Variants in RERE observed in about 807,000 individuals in gnomAD.
RERE encodes arginine-glutamic acid dipeptide repeats, also known as arginine-glutamic acid dipeptide repeats protein.
RERE carries 40 observed loss-of-function variants against 146.1 expected under a neutral mutation model. The observed-to-expected ratio is 0.27, with a 90% CI of 0.21 to 0.36. The LOEUF (loss-of-function observed/expected upper bound fraction) is 0.36, where lower values mean the gene tolerates loss of function less well. Among genes scored for constraint, RERE ranks in the 10% least tolerant of loss-of-function variants. RERE has a pLI of 1.00. For synonymous variants in RERE, 1,003 were observed against 866.0 expected (o/e 1.16, Z -2.78); for missense variants, 1,933 against 2,138.7 (o/e 0.90, Z 1.90).
chr1:8,564,228 T>C (rs963374782), intron 4 of RERE, among the ~76,000 whole-genome samples: 13 of 152,252 alleles, frequency 8.5e-5, no homozygotes, highest in African/African-American at 2.4e-4. Context: ...AGATACAGAC[T>C]GAGTAACCTC....
chr1:8,794,328 A>G lies in RERE; in HGVS notation c.-145+22832T>C, dbSNP rs1461328247. Among the ~76,000 whole-genome samples the G allele has an allele frequency of 2.9e-5, 4 of 139,466 alleles. No individual in the cohort carries two copies. The East Asian group carries it at 1.0e-3, about 36-fold the overall frequency. 91.5% of individuals were successfully genotyped at this position (139,466 alleles called of 152,430 possible). On this transcript the variant is annotated intron_variant, in intron 1 of 22. Transcript: ENST00000400908. ...AGCCGAGATCGTGCCACTGCACTCC[A>G]GCCTGGGCAACAGAGCGAGACTCCG...
chr1:8,689,106 ATT>A lies in RERE; in HGVS notation c.-144-32667_-144-32666del, dbSNP rs143138261. Reference sequence around the variant, plus strand: ...AATAGTTTTATCAAGTAAAAATTTGATTTTTTTTTTAGTTTCTTTGTTGAAAT... The same window carrying A: ...AATAGTTTTATCAAGTAAAAATTTGATTTTTTTTAGTTTCTTTGTTGAAAT... On this transcript the variant is annotated intron_variant, in intron 1 of 22. Transcript: ENST00000400908. Among the ~76,000 whole-genome samples the A allele has an allele frequency of 1.0e-4, 15 of 150,310 alleles. No individual in the cohort carries two copies. In the East Asian group the frequency reaches 2.9e-3, roughly 29 times the overall value.
At chr1:8,381,240 T>C (rs553403928) in intron 12 of RERE, among the ~76,000 whole-genome samples, 5 of 152,242 alleles carry the variant, frequency 3.3e-5, no homozygotes, top group African/African-American at 1.2e-4. Flanking sequence ...TATAACATGA[T>C]TCCCCTCCTC....
chr1:8,357,211 A>T (rs1488823047), intron 20 of RERE, among the ~76,000 whole-genome samples: 1 of 152,246 alleles, frequency 6.6e-6, no homozygotes, highest in Non-Finnish European at 1.5e-5. Flanking sequence ...GGCACATTCC[A>T]GGGGTTCAGT....
At chr1:8,422,843 A>G (rs1330380073) in intron 11 of RERE, 36 bp from the exon 12 acceptor site, 2 of 1,488,784 alleles carry the variant, frequency 1.3e-6, no homozygotes, top group Admixed American at 3.4e-5. Context: ...TGTAAAAACC[A>G]AAAACAAAAC....
chr1:8,472,287 G>A lies in RERE; in HGVS notation c.1105-6264C>T, dbSNP rs561003387. ...TCTAATACAACATCAAGTTCTGAAG[G>A]ATTGCCATAATTTCATACTGTGAAA... On this transcript the variant is annotated intron_variant, in intron 10 of 22. Coordinates refer to ENST00000400908, the MANE Select transcript of RERE (RefSeq NM_001042681.2). Among the ~76,000 whole-genome samples the A allele has an allele frequency of 6.6e-5, 10 of 152,274 alleles. No homozygotes were observed. In the East Asian group the frequency reaches 1.9e-3, roughly 29 times the overall value.
intron 12 of RERE, among the ~76,000 whole-genome samples, chr1:8,384,166 G>A (rs955582582): frequency 2.0e-5 from 3 of 152,106 alleles, no homozygotes; most frequent in Non-Finnish European, 4.4e-5. Flanking sequence ...CTCAGGTCGG[G>A]GTCTTACTGT....
At chr1:8,692,597 T>A (rs1399031807) in intron 1 of RERE, among the ~76,000 whole-genome samples, 1 of 152,072 alleles carries the variant, frequency 6.6e-6, no homozygotes, top group East Asian at 1.9e-4. Flanking sequence ...GATCTGCCCG[T>A]CTAGGCCTCC....
intron 7 of RERE, among the ~76,000 whole-genome samples, chr1:8,532,720 G>A (rs1451343049): frequency 6.6e-5 from 10 of 151,870 alleles, no homozygotes; most frequent in South Asian, 4.2e-4. Flanking sequence ...TCAGCCTCCC[G>A]AGTAGCTGGG....
In RERE at chr1:8,559,280, C is replaced by CAAAAAAAAAAAAAAA. The variant is rs548075266; in HGVS notation, c.523-1772_523-1758dup. ...GGGCAACAAGAGCAAAACTCCAGCT[C>CAAAAAAAAAAAAAAA]AAAAAAAAAAAAAAAAAAAAAAAAC... On this transcript the variant is annotated intron_variant, in intron 4 of 22. Transcript: ENST00000400908. Among the ~76,000 whole-genome samples the CAAAAAAAAAAAAAAA allele has an allele frequency of 3.8e-3, 46 of 12,066 alleles. 3 individuals are homozygous for CAAAAAAAAAAAAAAA. Among genetic ancestry groups the CAAAAAAAAAAAAAAA allele is most frequent in the Non-Finnish European group, 5.6e-3 (35 of 6,216 alleles). The allele number at this position is 12,066 out of a possible 152,430, so 7.9% of individuals were successfully genotyped here.
intron 4 of RERE, among the ~76,000 whole-genome samples, chr1:8,596,171 C>T: frequency 6.6e-6 from 1 of 152,126 alleles, no homozygotes; most frequent in East Asian, 1.9e-4. Context: ...ACTATCTGGC[C>T]CCTAATAGGA....
chr1:8,450,389 G>A (rs963815213), intron 11 of RERE, among the ~76,000 whole-genome samples: 3 of 150,708 alleles, frequency 2.0e-5, no homozygotes, highest in African/African-American at 7.3e-5. Flanking sequence ...GCTGCGTGTG[G>A]AGGCAACGCT....
At chr1:8,754,093 G>C (rs1427710448) in intron 1 of RERE, among the ~76,000 whole-genome samples, 1 of 152,066 alleles carries the variant, frequency 6.6e-6, no homozygotes, top group Non-Finnish European at 1.5e-5. Flanking sequence ...ATTTAATCAA[G>C]GTATTACTGC....
intron 1 of RERE, among the ~76,000 whole-genome samples, chr1:8,773,802 C>T (rs958141647): frequency 2.1e-4 from 32 of 152,040 alleles, no homozygotes; most frequent in African/African-American, 7.2e-4. Context: ...CCAGCCTGGG[C>T]GACAGAGCGA....
chr1:8,784,094 T>A (rs2124564000), intron 1 of RERE, among the ~76,000 whole-genome samples: 1 of 152,316 alleles, frequency 6.6e-6, no homozygotes, highest in South Asian at 2.1e-4. Context: ...CCCAGGAAAC[T>A]GACACACCAC....
At chr1:8,531,515 C>T (rs1263906956) in intron 7 of RERE, among the ~76,000 whole-genome samples, 1 of 151,778 alleles carries the variant, frequency 6.6e-6, no homozygotes. Flanking sequence ...CAAGTTTTCT[C>T]AGATTTCCTA....
chr1:8,783,287 T>G (rs1036247199), intron 1 of RERE, among the ~76,000 whole-genome samples: 12 of 152,134 alleles, frequency 7.9e-5, no homozygotes, highest in African/African-American at 2.7e-4. Context: ...GTGAGCCGTG[T>G]TCACACCACT....
chr1:8,612,635 T>C (rs906951281), intron 4 of RERE, among the ~76,000 whole-genome samples: 3 of 152,190 alleles, frequency 2.0e-5, no homozygotes, highest in Admixed American at 6.5e-5. Context: ...TTAAAATCCA[T>C]TCAGCAATTC....
rs555767335 is a variant in RERE, at chr1:8,477,647, A to G, written c.1105-11624T>C. 6.6e-5 allele frequency among the ~76,000 whole-genome samples: 10 copies of G among 152,366 alleles called. 1 individual carries two copies. In the East Asian group the frequency reaches 9.6e-4, roughly 15 times the overall value. On this transcript the variant is annotated intron_variant, in intron 10 of 22. Transcript: ENST00000400908. ...GAAAGTGTATGTGAAAGGCTTTCAC[A>G]CAAAAACACAAAATCAAGACCAGTT...
Sources: gnomAD v4.1 joint callset for allele counts (sites outside exome capture counted in the v4.1 genomes callset) on GRCh38, gnomAD v4.1.1 for gene constraint, MANE v1.5 for transcripts, NCBI Gene and HGNC (gene_info 2026-07-23, HGNC 2026-07-21) for gene names.